The following POTEI variants were observed in gnomAD, a reference collection of about 807,000 sequenced individuals.
The protein encoded by POTEI is POTE ankyrin domain family, member I.
Under a neutral mutation model 43.4 loss-of-function variants are expected in POTEI, and 14 were observed. The observed-to-expected ratio is 0.32, with a 90% CI of 0.21 to 0.50. The LOEUF is 0.50. Ranked by LOEUF, POTEI falls within the 20% of genes least tolerant of loss-of-function variation. The pLI, the probability that POTEI is intolerant of heterozygous loss-of-function variation, is 0.98. For missense variants in POTEI, 235 were observed against 795.4 expected (o/e 0.30, Z 8.47); for synonymous variants, 95 against 297.9 (o/e 0.32, Z 7.01).
At position 130,460,122 on chromosome 2, in the gene POTEI, A is replaced by G. The variant is rs1682579490; in HGVS notation, c.*2694T>C. On this transcript the variant is annotated 3_prime_UTR_variant, in exon 15 of 15. Coordinates refer to ENST00000451531, the MANE Select transcript of POTEI (RefSeq NM_001277406.2). ...GCTCTCCACTGATATGGTACAGTCC[A>G]CTAGCACGGAAGCTATGGTGTGGGC... 1.3e-5 allele frequency: 2 copies of G among 150,958 alleles called. No homozygotes were observed. Among genetic ancestry groups the G allele is most frequent in the Admixed American group, 1.3e-4 (2 of 15,238 alleles). 9.4% of individuals were successfully genotyped at this position (150,958 alleles called of 1,614,324 possible).
In POTEI at chr2:130,496,751, C is replaced by G; in HGVS notation, c.1056-129G>C. The G allele has an allele frequency of 5.2e-6, 3 of 577,362 alleles. 1 individual carries two copies. The highest frequency in any genetic ancestry group is 6.3e-5 in the Admixed American group (2 of 31,666). The allele number at this position is 577,362 out of a possible 1,614,324, so 35.8% of individuals were successfully genotyped here. Reference sequence around the variant, plus strand: ...TCAGAACTTAATAGTATTATCCCATCCACTTATGAGTACATTCTACAAACT... The same window carrying G: ...TCAGAACTTAATAGTATTATCCCATGCACTTATGAGTACATTCTACAAACT... On this transcript the variant is annotated intron_variant, in intron 5 of 14. Transcript: ENST00000451531.
chr2:130,505,059 C>T (rs1362467931), intron 1 of POTEI, among the ~76,000 whole-genome samples: 1 of 148,700 alleles, frequency 6.7e-6, no homozygotes, highest in African/African-American at 2.5e-5. Context: ...TGCTTCTTTC[C>T]CTCTTCCCAC....
At chr2:130,477,183 G>T (rs1213959781) in intron 10 of POTEI, among the ~76,000 whole-genome samples, 1 of 147,490 alleles carries the variant, frequency 6.8e-6, no homozygotes, top group Non-Finnish European at 1.5e-5. Context: ...ATGAACCAGG[G>T]TCTTCCTCTG....
intron 10 of POTEI, among the ~76,000 whole-genome samples, chr2:130,476,929 C>T: frequency 8.5e-6 from 1 of 117,230 alleles, no homozygotes; most frequent in South Asian, 3.3e-4. Flanking sequence ...AAAATTCCCT[C>T]ACAAATTCAT....
rs756998088 is a variant in POTEI at position 130,508,993 on chromosome 2, G to A, written c.243C>T (p.Gly81=). ...CGGAGTCGTCGTGGTCTCCAGAAGTGCCCACGTTGCTCTTGCCACTCCCCC... is the reference window on the plus strand; with the variant it reads ...CGGAGTCGTCGTGGTCTCCAGAAGTACCCACGTTGCTCTTGCCACTCCCCC... ...CCRGSGKSNV[G]TSGDHDDSAM... Residue 81 remains glycine, a synonymous_variant, in exon 1 of 15, where the codon GGC becomes GGT. Coordinates refer to ENST00000451531, the MANE Select transcript of POTEI (RefSeq NM_001277406.2). 6.6e-6 allele frequency: 10 copies of A among 1,514,636 alleles called. No individual in the cohort carries two copies. Among genetic ancestry groups the A allele is most frequent in the South Asian group, 5.7e-5 (5 of 87,130 alleles). The allele number at this position is 1,514,636 out of a possible 1,614,324, so 93.8% of individuals were successfully genotyped here.
rs1260632002 is a variant in POTEI at position 130,507,404 on chromosome 2, G to A, written c.521+1311C>T. ...TACATATGTATATATATGTATATAT[G>A]TGTATATATATGTATATATATATAT... On this transcript the variant is annotated intron_variant, in intron 1 of 14. Coordinates refer to ENST00000451531, the MANE Select transcript of POTEI (RefSeq NM_001277406.2). Among the ~76,000 whole-genome samples, 25 of 5,706 alleles carry A rather than the reference G, an allele frequency of 4.4e-3. No individual in the cohort carries two copies. The East Asian group carries it at 0.048, about 11-fold the overall frequency. The allele number at this position is 5,706 out of a possible 152,430, so 3.7% of individuals were successfully genotyped here.
rs1054750446 is a variant in POTEI, at chr2:130,483,637, C to T, written c.1410-1564G>A. Among the ~76,000 whole-genome samples the T allele has an allele frequency of 1.4e-4, 17 of 119,346 alleles. 2 individuals are homozygous for T. Among genetic ancestry groups the T allele is most frequent in the African/African-American group, 5.7e-4 (17 of 30,042 alleles). 78.3% of individuals were successfully genotyped at this position (119,346 alleles called of 152,430 possible). A position where few individuals can be genotyped will look rare whatever the true frequency, so the allele number is the denominator to read the frequency against. Reference sequence around the variant, plus strand: ...TGAGACGGAGTCTTGCTCTGTCACCCAGGCTGGAGTGCAGTGCAACGATCT... The same window carrying T: ...TGAGACGGAGTCTTGCTCTGTCACCTAGGCTGGAGTGCAGTGCAACGATCT... On this transcript the variant is annotated intron_variant, in intron 9 of 14. Transcript: ENST00000451531.
In POTEI at chr2:130,473,610, C is replaced by G. The variant is rs2262220; in HGVS notation, c.1778+768G>C. On this transcript the variant is annotated intron_variant, in intron 13 of 14. Coordinates refer to ENST00000451531, the MANE Select transcript of POTEI (RefSeq NM_001277406.2). ...AATTGAGCTATTTCCTATTGATAAG[C>G]AATTAGACTAGTTCCAAATTTTTTA... Among the ~76,000 whole-genome samples the G allele has an allele frequency of 7.8e-4, 18 of 22,992 alleles. 6 individuals are homozygous for G. Among genetic ancestry groups the G allele is most frequent in the African/African-American group, 8.5e-4 (18 of 21,204 alleles). The allele number at this position is 22,992 out of a possible 152,430, so 15.1% of individuals were successfully genotyped here. A position where few individuals can be genotyped will look rare whatever the true frequency, so the allele number is the denominator to read the frequency against.
At chr2:130,485,029 A>G (rs1683549536) in intron 9 of POTEI, among the ~76,000 whole-genome samples, 1 of 152,304 alleles carries the variant, frequency 6.6e-6, no homozygotes, top group African/African-American at 2.4e-5. Flanking sequence ...GAAAGACTAC[A>G]TGAGGTGTAG....
In POTEI at chr2:130,507,327, CACACACACACAT is replaced by C. The variant is rs1455244296; in HGVS notation, c.521+1376_521+1387del. On this transcript the variant is annotated intron_variant, in intron 1 of 14. Coordinates refer to ENST00000451531, the MANE Select transcript of POTEI (RefSeq NM_001277406.2). Reference sequence around the variant, plus strand: ...ATATATATATATATATACACACACACACACACACACATATATATGTATATATATACACACACA... The same window carrying C: ...ATATATATATATATATACACACACACATATATGTATATATATACACACACA... Among the ~76,000 whole-genome samples, 36 of 74,964 alleles carry C rather than the reference CACACACACACAT, an allele frequency of 4.8e-4. 1 individual carries two copies. The highest frequency in any genetic ancestry group is 9.7e-4 in the Non-Finnish European group (33 of 34,100). The allele number at this position is 74,964 out of a possible 152,430, so 49.2% of individuals were successfully genotyped here.
rs1427029606 is a variant in POTEI at position 130,488,649 on chromosome 2, A to G, written c.1243-451T>C. Among the ~76,000 whole-genome samples, 3 of 127,178 alleles carry G rather than the reference A, an allele frequency of 2.4e-5. No individual in the cohort carries two copies. In the Admixed American group the frequency reaches 2.4e-4, roughly 10 times the overall value. 83.4% of individuals were successfully genotyped at this position (127,178 alleles called of 152,430 possible). On this transcript the variant is annotated intron_variant, in intron 8 of 14. Transcript: ENST00000451531. ...TGACACACTGTGCGGCTTCAGGAAC[A>G]GAAAGGAAGTTTGCCCTTTTCTGCG...
intron 6 of POTEI, among the ~76,000 whole-genome samples, chr2:130,492,123 T>C (rs1029647959): frequency 3.3e-5 from 2 of 61,142 alleles, no homozygotes; most frequent in African/African-American, 9.6e-5. Flanking sequence ...CTGTCCCGTC[T>C]GCTCCAAGAC....
chr2:130,460,453 A>G lies in POTEI; in HGVS notation c.*2363T>C, dbSNP rs1682587604. On this transcript the variant is annotated 3_prime_UTR_variant, in exon 15 of 15. Transcript: ENST00000451531. Reference sequence around the variant, plus strand: ...TGGCTGGTATGACCTCAGTATTCCTAAAGTGCTGGGATAAAGTGTCTCACA... The same window carrying G: ...TGGCTGGTATGACCTCAGTATTCCTGAAGTGCTGGGATAAAGTGTCTCACA... 6.6e-6 allele frequency: 1 copy of G among 151,814 alleles called. No individual in the cohort carries two copies. Among genetic ancestry groups the G allele is most frequent in the South Asian group, 2.1e-4 (1 of 4,802 alleles). The allele number at this position is 151,814 out of a possible 1,614,324, so 9.4% of individuals were successfully genotyped here.
At chr2:130,484,327 G>C (rs931372683) in intron 9 of POTEI, among the ~76,000 whole-genome samples, 1 of 141,542 alleles carries the variant, frequency 7.1e-6, no homozygotes, top group African/African-American at 2.7e-5. Context: ...AAATCACTTT[G>C]TTTCATTGAA....
chr2:130,467,997 G>C (rs1486023746), intron 13 of POTEI, among the ~76,000 whole-genome samples: 5 of 129,952 alleles, frequency 3.8e-5, no homozygotes, highest in Non-Finnish European at 6.4e-5. Flanking sequence ...AAAGACAACA[G>C]TGATACACTG....
At chr2:130,479,790 G>C (rs4044404) in intron 10 of POTEI, among the ~76,000 whole-genome samples, 6 of 37,080 alleles carry the variant, frequency 1.6e-4, no homozygotes, top group Admixed American at 3.2e-4. Flanking sequence ...ATGAGCCCCT[G>C]CAGCACACAT....
Position 130,461,822 on chromosome 2 carries a change from C to CT in POTEI, c.*993dup, listed in dbSNP as rs1399174547. The CT allele has an allele frequency of 1.3e-5, 2 of 151,824 alleles. No individual in the cohort carries two copies. The highest frequency in any genetic ancestry group is 2.9e-5 in the Non-Finnish European group (2 of 67,980). 9.4% of individuals were successfully genotyped at this position (151,824 alleles called of 1,614,324 possible). ...CTCCAAAGCCCGCAGGCTGGAATGACTAAGTTGCCTGAACGGGAAAGATGG... is the reference window on the plus strand; with the variant it reads ...CTCCAAAGCCCGCAGGCTGGAATGACTTAAGTTGCCTGAACGGGAAAGATGG... On this transcript the variant is annotated 3_prime_UTR_variant, in exon 15 of 15. Transcript: ENST00000451531.
intron 13 of POTEI, among the ~76,000 whole-genome samples, chr2:130,467,718 C>T (rs1457689083): frequency 2.0e-5 from 3 of 152,110 alleles, no homozygotes; most frequent in Non-Finnish European, 4.4e-5. Context: ...ATGACGCTAA[C>T]AAACGACTAA....
At chr2:130,507,402 ATG>A (rs1220629544) in intron 1 of POTEI, among the ~76,000 whole-genome samples, 15 of 5,920 alleles carry the variant, frequency 2.5e-3, no homozygotes, top group African/African-American at 4.9e-3. Context: ...ATATGTATAT[ATG>A]TGTATATATA....
Sources: gnomAD v4.1 joint callset for allele counts (sites outside exome capture counted in the v4.1 genomes callset) on GRCh38, gnomAD v4.1.1 for gene constraint, MANE v1.5 for transcripts, NCBI Gene and HGNC (gene_info 2026-07-23, HGNC 2026-07-21) for gene names.